SENP3: variants seen among roughly 807,000 people sequenced by gnomAD.
SENP3 encodes SUMO specific peptidase 3.
Under a neutral mutation model 66.2 loss-of-function variants are expected in SENP3, and 11 were observed. That is an observed-to-expected ratio of 0.17 (90% CI 0.10 to 0.28). SENP3 has a LOEUF of 0.28. Among genes scored for constraint, SENP3 ranks in the 10% least tolerant of loss-of-function variants. The pLI is 1.00. For synonymous variants in SENP3, 292 were observed against 277.6 expected (o/e 1.05, Z -0.52); for missense variants, 548 against 743.7 (o/e 0.74, Z 3.06).
At position 7,563,190 on chromosome 17, in the gene SENP3, C is replaced by A; in HGVS notation, c.114C>A (p.Pro38=). The A allele has an allele frequency of 6.4e-7, 1 of 1,569,900 alleles. No homozygotes were observed. ...RRERLRWPPP[P]KPRLKSGGGF... is the part of the protein sequence containing the mutation. ...AGCGTCTTCGTTGGCCCCCACCTCCCAAACCCCGACTCAAGTCAGGTGGAG... is the reference window on the plus strand; with the variant it reads ...AGCGTCTTCGTTGGCCCCCACCTCCAAAACCCCGACTCAAGTCAGGTGGAG... Residue 38 remains proline (P), a synonymous_variant, in exon 2 of 11, where the codon CCC becomes CCA. Transcript: ENST00000321337.
chr17:7,563,046 C>T lies in SENP3; in HGVS notation c.-11-20C>T. The T allele has an allele frequency of 1.4e-6, 2 of 1,444,800 alleles. No homozygotes were observed. Among genetic ancestry groups the T allele is most frequent in the Non-Finnish European group, 1.8e-6 (2 of 1,099,398 alleles). 89.5% of individuals were successfully genotyped at this position (1,444,800 alleles called of 1,614,324 possible). ...TGGGGTGATGCTTAGATTTTGATAC[C>T]CTGATCTTTTGTTTTTCAGGGTACT... On this transcript the variant is annotated intron_variant, in intron 1 of 10. Transcript: ENST00000321337.
At chr17:7,566,055 A>C in intron 6 of SENP3, 2 of 288,112 alleles carry the variant, frequency 6.9e-6, no homozygotes, top group African/African-American at 2.2e-5. Context: ...GAAAAAGAAA[A>C]AGGCCACCGG....
intron 7 of SENP3, among the ~76,000 whole-genome samples, chr17:7,569,523 A>G (rs2071295434): frequency 6.6e-6 from 1 of 152,118 alleles, no homozygotes; most frequent in African/African-American, 2.4e-5. Context: ...GAGGAAAATG[A>G]AGAGTTCTTT....
rs2071273774 is a variant in SENP3, at chr17:7,566,910, T to C, written c.1264-17T>C. The C allele has an allele frequency of 1.3e-6, 2 of 1,542,920 alleles. No homozygotes were observed. Among genetic ancestry groups the C allele is most frequent in the African/African-American group, 2.7e-5 (2 of 72,984 alleles). On this transcript the variant is annotated splice_polypyrimidine_tract_variant and intron_variant, in intron 6 of 10. Coordinates refer to ENST00000321337, the MANE Select transcript of SENP3 (RefSeq NM_015670.6). ...GGTCTTTTAATTCCATTGAGCTTTT[T>C]TGTGTCATTGGCACAGGTGCATTTC...
At chr17:7,565,681 C>A (rs760294143) in intron 5 of SENP3, 36 bp from the exon 6 acceptor site, 6 of 1,613,352 alleles carry the variant, frequency 3.7e-6, no homozygotes, top group Non-Finnish European at 5.1e-6. Flanking sequence ...CCATGCCGCA[C>A]CCTCCATGGC....
chr17:7,570,480 G>A lies in SENP3; in HGVS notation c.1466G>A (p.Arg489His), dbSNP rs1246014950. The A allele has an allele frequency of 1.9e-6, 3 of 1,612,566 alleles. No individual in the cohort carries two copies. Among genetic ancestry groups the A allele is most frequent in the African/African-American group, 1.3e-5 (1 of 74,872 alleles). The change falls in exon 8 of 11, where the codon CGC (arginine) becomes CAC (histidine). Residue 489 changes from arginine (R) to histidine (H), a missense_variant. Physicochemically the swap from Arg to His is conservative, Grantham distance 29. Transcript: ENST00000321337. The surrounding 1 kb of genome is among the most constrained non-coding windows in gnomAD (Gnocchi z 5.4). ...TTTGACTCGCAGCGTACCCTAAACC[G>A]CCGCTGCCCTAAGGTTTGAGGGGGT... ...TYFDSQRTLN[R>H]RCPKHIAKYL... is the part of the protein sequence containing the mutation.
chr17:7,564,894 T>C (rs1567728733), intron 3 of SENP3, 30 bp downstream of exon 3: 3 of 1,602,974 alleles, frequency 1.9e-6, no homozygotes, highest in East Asian at 2.2e-5. Flanking sequence ...CTAGCCTCTC[T>C]CCCTTCTCCG....
At position 7,570,323 on chromosome 17, in the gene SENP3, T is replaced by A. The variant is rs758866986; in HGVS notation, c.1342-33T>A. Reference sequence around the variant, plus strand: ...CATGGCAAAAGGCAAGACTTCTGTTTGTTGTACCTGACCTGTGGCACTATC... The same window carrying A: ...CATGGCAAAAGGCAAGACTTCTGTTAGTTGTACCTGACCTGTGGCACTATC... On this transcript the variant is annotated intron_variant, in intron 7 of 10. Coordinates refer to ENST00000321337, the MANE Select transcript of SENP3 (RefSeq NM_015670.6). This position sits in a 1 kb window ranked among gnomAD's most constrained non-coding sequence, Gnocchi z 5.4. The A allele has an allele frequency of 3.8e-6, 6 of 1,599,826 alleles. No homozygotes were observed. The South Asian group carries it at 4.4e-5, about 12-fold the overall frequency.
rs58537439 is a variant in SENP3, at chr17:7,571,837, TTATATATATATATATATATATATA to T, written c.*403_*426del. 16 of 30,494 alleles carry T rather than the reference TTATATATATATATATATATATATA, an allele frequency of 5.2e-4. No individual in the cohort carries two copies. The highest frequency in any genetic ancestry group is 3.2e-3 in the South Asian group (2 of 622). 1.9% of individuals were successfully genotyped at this position (30,494 alleles called of 1,614,324 possible). A position where few individuals can be genotyped will look rare whatever the true frequency, so the allele number is the denominator to read the frequency against. On this transcript the variant is annotated 3_prime_UTR_variant, in exon 11 of 11. Coordinates refer to ENST00000321337, the MANE Select transcript of SENP3 (RefSeq NM_015670.6). ...CACTGCCTGCCAGATCTTCAAACTT[TTATATATATATATATATATATATA>T]TATATATATATATATATATATATAT...
At chr17:7,569,678 G>A (rs1445947552) in intron 7 of SENP3, among the ~76,000 whole-genome samples, 1 of 152,202 alleles carries the variant, frequency 6.6e-6, no homozygotes, top group Non-Finnish European at 1.5e-5. Flanking sequence ...AGAGGGAAGG[G>A]TGGTGACGTA....
chr17:7,568,190 G>C (rs1019903456), intron 7 of SENP3, among the ~76,000 whole-genome samples: 2 of 151,014 alleles, frequency 1.3e-5, no homozygotes, highest in African/African-American at 4.9e-5. Flanking sequence ...TTAGAGGGTT[G>C]GAACTTTCAG....
In SENP3 at chr17:7,571,626, A is replaced by ATT; in HGVS notation, c.*151_*152dup. 1 of 571,578 alleles carries ATT rather than the reference A, an allele frequency of 1.7e-6. No individual in the cohort carries two copies. Among genetic ancestry groups the ATT allele is most frequent in the Non-Finnish European group, 3.1e-6 (1 of 325,282 alleles). 35.4% of individuals were successfully genotyped at this position (571,578 alleles called of 1,614,324 possible). ...CATATTTAAATGTTTCAATTTCTGT[A>ATT]TTTTTTTTTCTTTGAGAGAATACTT... is the stretch of plus-strand genomic sequence containing the variant. On this transcript the variant is annotated 3_prime_UTR_variant, in exon 11 of 11. Transcript: ENST00000321337.
In SENP3 at chr17:7,571,543, A is replaced by G; in HGVS notation, c.*60A>G. 2 of 1,174,458 alleles carry G rather than the reference A, an allele frequency of 1.7e-6. No homozygotes were observed. The highest frequency in any genetic ancestry group is 2.5e-6 in the Non-Finnish European group (2 of 788,036). The allele number at this position is 1,174,458 out of a possible 1,614,324, so 72.8% of individuals were successfully genotyped here. On this transcript the variant is annotated 3_prime_UTR_variant, in exon 11 of 11. Transcript: ENST00000321337. ...AAGGGAGACATGGGAGTCCCTTCCC[A>G]AGAAACTCCAGTTCCTTTCCTCTCT...
At position 7,571,433 on chromosome 17, in the gene SENP3, C is replaced by CCTCT; in HGVS notation, c.1675_1676insCTCT (p.Leu559ProfsTer28). The CCTCT allele has an allele frequency of 6.2e-7, 1 of 1,610,022 alleles. No homozygotes were observed. The highest frequency in any genetic ancestry group is 8.5e-7 in the Non-Finnish European group (1 of 1,178,038). ...CTTCACCCAGCAGGACATGCCCAAA[C>CCTCT]TTCGTCGGCAGATCTACAAGGAGCT... On this transcript the variant is annotated frameshift_variant, in exon 11 of 11. Coordinates refer to ENST00000321337, the MANE Select transcript of SENP3 (RefSeq NM_015670.6). LOFTEE classifies it high-confidence loss of function.
At chr17:7,568,607 C>G (rs1423108234) in intron 7 of SENP3, among the ~76,000 whole-genome samples, 1 of 151,980 alleles carries the variant, frequency 6.6e-6, no homozygotes, top group African/African-American at 2.4e-5. Flanking sequence ...AAAAAAAACC[C>G]GAGAGGAGGA....
At position 7,562,880 on chromosome 17, in the gene SENP3, TG is replaced by T. The variant is rs2071231604; in HGVS notation, c.-11-184del. On this transcript the variant is annotated intron_variant, in intron 1 of 10. Coordinates refer to ENST00000321337, the MANE Select transcript of SENP3 (RefSeq NM_015670.6). The surrounding 1 kb of genome is among the most constrained non-coding windows in gnomAD (Gnocchi z 5.0). ...TTGTCTCTGGACTGGGGAGAGATGA[TG>T]GCACAGACCCTGAAGGGCCCCTTGT... is the stretch of plus-strand genomic sequence containing the variant. 1.3e-5 allele frequency among the ~76,000 whole-genome samples: 2 copies of T among 152,212 alleles called. No homozygotes were observed. Among genetic ancestry groups the T allele is most frequent in the Admixed American group, 6.5e-5 (1 of 15,286 alleles).
In SENP3 at chr17:7,563,196, C is replaced by T; in HGVS notation, c.120C>T (p.Pro40=). Residue 40 remains proline (P), a synonymous_variant, in exon 2 of 11, where the codon CCC becomes CCT. Coordinates refer to ENST00000321337, the MANE Select transcript of SENP3 (RefSeq NM_015670.6). ...ERLRWPPPPK[P]RLKSGGGFGP... Reference sequence around the variant, plus strand: ...TTCGTTGGCCCCCACCTCCCAAACCCCGACTCAAGTCAGGTGGAGGGTTTG... The same window carrying T: ...TTCGTTGGCCCCCACCTCCCAAACCTCGACTCAAGTCAGGTGGAGGGTTTG... 1 of 1,572,570 alleles carries T rather than the reference C, an allele frequency of 6.4e-7. No homozygotes were observed. The highest frequency in any genetic ancestry group is 8.6e-7 in the Non-Finnish European group (1 of 1,158,328).
chr17:7,564,017 A>G (rs2071246837), intron 2 of SENP3, among the ~76,000 whole-genome samples: 3 of 152,188 alleles, frequency 2.0e-5, no homozygotes, highest in Admixed American at 1.3e-4. Flanking sequence ...TAGGAAACAG[A>G]TGCCCTAAGT....
In SENP3 at chr17:7,570,542, G is replaced by T; in HGVS notation, c.1479+49G>T. 6.3e-7 allele frequency: 1 copy of T among 1,589,914 alleles called. No homozygotes were observed. Among genetic ancestry groups the T allele is most frequent in the Admixed American group, 1.8e-5 (1 of 56,280 alleles). The stretch of plus-strand genomic sequence containing the variant: ...GGGCAAAATGTGGGGCGGTGCAGTG[G>T]CAAGGCATTGCAGGAAGAAGGGTGG... On this transcript the variant is annotated intron_variant, in intron 8 of 10. Coordinates refer to ENST00000321337, the MANE Select transcript of SENP3 (RefSeq NM_015670.6). The surrounding 1 kb of genome is among the most constrained non-coding windows in gnomAD (Gnocchi z 5.4).
Sources: gnomAD v4.1 joint callset for allele counts (sites outside exome capture counted in the v4.1 genomes callset) on GRCh38, gnomAD v4.1.1 for gene constraint, Gnocchi (gnomAD v3.1) non-coding constraint, MANE v1.5 for transcripts, NCBI Gene and HGNC (gene_info 2026-07-23, HGNC 2026-07-21) for gene names.